MEF2A: variants seen among roughly 807,000 people sequenced by gnomAD.
MEF2A encodes myocyte-specific enhancer factor 2A.
MEF2A carries 28 observed loss-of-function variants against 55.8 expected under a neutral mutation model. The observed-to-expected ratio is 0.50, with a 90% CI of 0.37 to 0.69. MEF2A has a LOEUF of 0.69. MEF2A is among the 30% of genes least tolerant of loss of function. The pLI is 0.00. For missense variants in MEF2A, 528 were observed against 626.2 expected (o/e 0.84, Z 1.67); for synonymous variants, 239 against 227.1 (o/e 1.05, Z -0.47).
chr15:99,603,526 A>G (rs2153102361), intron 2 of MEF2A, among the ~76,000 whole-genome samples: 1 of 111,622 alleles, frequency 9.0e-6, no homozygotes. Context: ...GCATGCAGCC[A>G]TCACACCTGG....
In MEF2A at chr15:99,713,873, T is replaced by C. The variant is rs2058901683; in HGVS notation, c.*1102T>C. The C allele has an allele frequency of 6.6e-6, 1 of 152,228 alleles. No individual in the cohort carries two copies. Among genetic ancestry groups the C allele is most frequent in the African/African-American group, 2.4e-5 (1 of 41,462 alleles). The allele number at this position is 152,228 out of a possible 1,614,324, so 9.4% of individuals were successfully genotyped here. The stretch of plus-strand genomic sequence containing the variant: ...TGTATATAGCATCTTAAATATATTA[T>C]CACCTTTGATGTAAGTACCTATGTA... On this transcript the variant is annotated 3_prime_UTR_variant, in exon 12 of 12. Transcript: ENST00000557942.
At chr15:99,691,566 C>T (rs941057249) in intron 8 of MEF2A, among the ~76,000 whole-genome samples, 11 of 151,942 alleles carry the variant, frequency 7.2e-5, no homozygotes, top group East Asian at 1.9e-4. Flanking sequence ...GGCGTGGTGG[C>T]GCGTGCCTGT....
chr15:99,681,530 T>A (rs2053244404), intron 7 of MEF2A, among the ~76,000 whole-genome samples: 1 of 152,236 alleles, frequency 6.6e-6, no homozygotes. Flanking sequence ...GCTTCAGCAT[T>A]CATGCTTCAT....
At chr15:99,617,814 G>A (rs1173370794) in intron 2 of MEF2A, among the ~76,000 whole-genome samples, 1 of 152,068 alleles carries the variant, frequency 6.6e-6, no homozygotes, top group Non-Finnish European at 1.5e-5. Context: ...ATGCCTGTGG[G>A]GGAGAAGAAG....
At chr15:99,638,427 A>G (rs544028209) in intron 3 of MEF2A, among the ~76,000 whole-genome samples, 11 of 152,186 alleles carry the variant, frequency 7.2e-5, no homozygotes, top group African/African-American at 2.2e-4. Flanking sequence ...CTAGTTACAT[A>G]TAACGGTTTT....
At chr15:99,670,877 A>T (rs913358617) in intron 4 of MEF2A, among the ~76,000 whole-genome samples, 1 of 152,148 alleles carries the variant, frequency 6.6e-6, no homozygotes, top group Non-Finnish European at 1.5e-5. Flanking sequence ...TAGGATAAAA[A>T]CTCCGATAGG....
intron 4 of MEF2A, among the ~76,000 whole-genome samples, chr15:99,653,103 T>C (rs2047118571): frequency 6.6e-6 from 1 of 152,230 alleles, no homozygotes; most frequent in Non-Finnish European, 1.5e-5. Context: ...TATACTGCTA[T>C]TCAAGCCAGA....
chr15:99,677,939 T>C (rs1438144502), intron 7 of MEF2A, among the ~76,000 whole-genome samples: 2 of 152,166 alleles, frequency 1.3e-5, no homozygotes, highest in Non-Finnish European at 2.9e-5. Context: ...ACAGATGATC[T>C]CATACGTGCT....
chr15:99,573,670 A>G (rs944769040), intron 1 of MEF2A, among the ~76,000 whole-genome samples: 4 of 152,296 alleles, frequency 2.6e-5, no homozygotes, highest in East Asian at 3.9e-4. Context: ...TGAGGGGGGA[A>G]CCTTATGGAA....
chr15:99,710,399 C>T (rs561986070), intron 10 of MEF2A, among the ~76,000 whole-genome samples: 6 of 152,226 alleles, frequency 3.9e-5, no homozygotes, highest in East Asian at 3.9e-4. Context: ...TGCGCCACCA[C>T]GCCTGGATAA....
At chr15:99,596,013 C>G (rs545415018) in intron 1 of MEF2A, among the ~76,000 whole-genome samples, 1 of 152,096 alleles carries the variant, frequency 6.6e-6, no homozygotes, top group East Asian at 1.9e-4. Flanking sequence ...TCAGCACTAA[C>G]ATTCTAGTTT....
At chr15:99,679,202 C>T (rs2052722209) in intron 7 of MEF2A, among the ~76,000 whole-genome samples, 1 of 152,182 alleles carries the variant, frequency 6.6e-6, no homozygotes, top group Admixed American at 6.5e-5. Flanking sequence ...TTGTGTGACC[C>T]AGCATTTTCA....
chr15:99,699,020 C>G (rs2056948150), intron 8 of MEF2A, among the ~76,000 whole-genome samples: 1 of 151,106 alleles, frequency 6.6e-6, no homozygotes, highest in Non-Finnish European at 1.5e-5. Context: ...AGTTCAAGAC[C>G]AGCCTGGGCA....
At chr15:99,612,987 A>G (rs2039551842) in intron 2 of MEF2A, among the ~76,000 whole-genome samples, 1 of 152,090 alleles carries the variant, frequency 6.6e-6, no homozygotes, top group African/African-American at 2.4e-5. Flanking sequence ...TTCTCTATGG[A>G]AATGAAGGCC....
Position 99,716,410 on chromosome 15 carries a change from TGAA to T in MEF2A, c.*3642_*3644del. The T allele has an allele frequency of 2.4e-6, 1 of 421,988 alleles. No homozygotes were observed. Among genetic ancestry groups the T allele is most frequent in the Middle Eastern group, 3.4e-4 (1 of 2,932 alleles). 26.1% of individuals were successfully genotyped at this position (421,988 alleles called of 1,614,324 possible). On this transcript the variant is annotated 3_prime_UTR_variant, in exon 12 of 12. Transcript: ENST00000557942. ...TAATAGTGAACTTTTTATCAAATGG[TGAA>T]GACAATGCTAAAGGTTGTTGTAAAC...
intron 1 of MEF2A, among the ~76,000 whole-genome samples, chr15:99,574,398 C>T (rs1466752964): frequency 1.3e-5 from 2 of 152,144 alleles, no homozygotes; most frequent in Admixed American, 1.3e-4. Context: ...TTATTGTACA[C>T]TTTATTTTCC....
chr15:99,602,727 TGTGG>T (rs1335447683), intron 2 of MEF2A, among the ~76,000 whole-genome samples: 15 of 30,914 alleles, frequency 4.9e-4, no homozygotes, highest in East Asian at 9.6e-4. Flanking sequence ...TGTGTGTGTG[TGTGG>T]GGGGGTGGGG....
chr15:99,661,926 A>G (rs1299356512), intron 4 of MEF2A, among the ~76,000 whole-genome samples: 2 of 151,984 alleles, frequency 1.3e-5, no homozygotes, highest in Admixed American at 6.6e-5. Context: ...TTTTCAAGCC[A>G]TGTAATACAG....
At chr15:99,696,917 A>G (rs1447258485) in intron 8 of MEF2A, among the ~76,000 whole-genome samples, 2 of 152,180 alleles carry the variant, frequency 1.3e-5, no homozygotes, top group East Asian at 1.9e-4. Context: ...GTAAAAAGTA[A>G]GTAAATTGAG....
Sources: allele counts gnomAD v4.1 joint callset (sites outside exome capture counted in the v4.1 genomes callset), GRCh38; gene constraint gnomAD v4.1.1; transcripts MANE v1.5; gene names NCBI Gene and HGNC (gene_info 2026-07-23, HGNC 2026-07-21).